The following RNF175 variants were observed in gnomAD, a reference collection of about 807,000 sequenced individuals.
The protein encoded by RNF175 is ring finger protein 175.
In RNF175, 38 loss-of-function variants were observed where a neutral mutation model predicts 50.0. That is an observed-to-expected ratio of 0.76 (90% confidence interval 0.59 to 1.00). RNF175 has a LOEUF of 1.00. RNF175 is among the 50% of genes least tolerant of loss of function. RNF175 has a pLI of 0.00. For synonymous variants in RNF175, 155 were observed against 146.1 expected (o/e 1.06, Z -0.44); for missense variants, 388 against 409.6 (o/e 0.95, Z 0.46).
chr4:153,755,408 C>T (rs1740510114), intron 1 of RNF175, among the ~76,000 whole-genome samples: 1 of 152,172 alleles, frequency 6.6e-6, no homozygotes, highest in Non-Finnish European at 1.5e-5. Flanking sequence ...AGTCAAAGAT[C>T]ACAAGACGTT....
intron 3 of RNF175, among the ~76,000 whole-genome samples, chr4:153,744,511 C>T (rs1351043045): frequency 6.6e-6 from 1 of 152,070 alleles, no homozygotes; most frequent in Admixed American, 6.5e-5. Context: ...TGTTTCCTTT[C>T]AAGGTCGGGG....
At position 153,749,089 on chromosome 4, in the gene RNF175, A is replaced by G. The variant is rs569888871; in HGVS notation, c.105-303T>C. On this transcript the variant is annotated intron_variant, in intron 2 of 8. Coordinates refer to ENST00000347063, the MANE Select transcript of RNF175 (RefSeq NM_173662.4). ...TCAGCCTTGTCTTTTAAGTTAAGTGATGGGGCTAAAAAAAGTAATGAGCCC... is the reference window on the plus strand; with the variant it reads ...TCAGCCTTGTCTTTTAAGTTAAGTGGTGGGGCTAAAAAAAGTAATGAGCCC... 3.2e-4 allele frequency among the ~76,000 whole-genome samples: 49 copies of G among 152,258 alleles called. 1 individual carries two copies. The highest frequency in any genetic ancestry group is 1.0e-3 in the South Asian group (5 of 4,828).
In RNF175 at chr4:153,710,271, TA is replaced by T. The variant is rs1737473417; in HGVS notation, c.*97del. The T allele has an allele frequency of 2.1e-6, 2 of 962,460 alleles. No homozygotes were observed. The highest frequency in any genetic ancestry group is 2.9e-6 in the Non-Finnish European group (2 of 689,282). 59.6% of individuals were successfully genotyped at this position (962,460 alleles called of 1,614,324 possible). ...TGACAACAAAGTTTACTTAGTTTTCTAAACACTTGGGATCATCTCTAAAATT... is the reference window on the plus strand; with the variant it reads ...TGACAACAAAGTTTACTTAGTTTTCTAACACTTGGGATCATCTCTAAAATT... On this transcript the variant is annotated 3_prime_UTR_variant, in exon 9 of 9. Transcript: ENST00000347063.
intron 6 of RNF175, 83 bp from the exon 7 acceptor site, chr4:153,715,745 G>T (rs1737876226): frequency 1.4e-6 from 2 of 1,434,386 alleles, no homozygotes; most frequent in South Asian, 1.3e-5. Context: ...GCCAGGCACT[G>T]GGACAGGCAG....
intron 2 of RNF175, among the ~76,000 whole-genome samples, chr4:153,750,172 C>G (rs534160976): frequency 6.6e-6 from 1 of 152,132 alleles, no homozygotes; most frequent in African/African-American, 2.4e-5. Flanking sequence ...TAGTGTGGCA[C>G]CATCAGTCAC....
At chr4:153,712,645 G>T in intron 7 of RNF175, 69 bp from the exon 8 acceptor site, 1 of 1,023,616 alleles carries the variant, frequency 9.8e-7, no homozygotes, top group Non-Finnish European at 1.5e-6. Context: ...GGCATGGAAT[G>T]GTCCCATCTT....
chr4:153,748,320 C>T (rs901220671), intron 3 of RNF175: 1 of 215,758 alleles, frequency 4.6e-6, no homozygotes, highest in African/African-American at 2.3e-5. Flanking sequence ...GTCTTGGCAC[C>T]ATTGACATTT....
intron 4 of RNF175, among the ~76,000 whole-genome samples, chr4:153,724,413 G>C (rs921468203): frequency 6.6e-6 from 1 of 152,200 alleles, no homozygotes; most frequent in African/African-American, 2.4e-5. Context: ...TGAAGAGGTG[G>C]CTAGAAAGCT....
chr4:153,749,735 A>AC (rs1030125037), intron 2 of RNF175, among the ~76,000 whole-genome samples: 3 of 151,804 alleles, frequency 2.0e-5, no homozygotes, highest in Admixed American at 6.6e-5. Context: ...AAAAATCTTA[A>AC]CCCCCCATAT....
chr4:153,740,628 T>C (rs1739604077), intron 3 of RNF175, among the ~76,000 whole-genome samples: 2 of 151,958 alleles, frequency 1.3e-5, no homozygotes, highest in African/African-American at 4.8e-5. Context: ...CTCTATGGCC[T>C]CTGGTAGCCA....
intron 3 of RNF175, among the ~76,000 whole-genome samples, chr4:153,739,146 G>A (rs1480484308): frequency 2.6e-5 from 4 of 152,228 alleles, no homozygotes; most frequent in Admixed American, 2.0e-4. Flanking sequence ...AATAGGGCCG[G>A]GTGAGGTGGC....
intron 2 of RNF175, among the ~76,000 whole-genome samples, chr4:153,750,591 C>T (rs1033882334): frequency 2.0e-5 from 3 of 152,098 alleles, no homozygotes; most frequent in South Asian, 2.1e-4. Context: ...AATAAAATTA[C>T]GTGGCTCTTA....
At chr4:153,719,281 T>G (rs1738176621) in intron 6 of RNF175, among the ~76,000 whole-genome samples, 1 of 152,156 alleles carries the variant, frequency 6.6e-6, no homozygotes, top group Non-Finnish European at 1.5e-5. Flanking sequence ...CAAAGGACAT[T>G]ATCTCATTCT....
intron 3 of RNF175, among the ~76,000 whole-genome samples, chr4:153,741,507 T>G (rs1333534006): frequency 6.6e-6 from 1 of 152,222 alleles, no homozygotes; most frequent in African/African-American, 2.4e-5. Flanking sequence ...CTACATTTGA[T>G]ATGGCATTGT....
intron 5 of RNF175, among the ~76,000 whole-genome samples, chr4:153,721,879 C>T (rs1335710462): frequency 1.3e-5 from 2 of 152,166 alleles, no homozygotes; most frequent in African/African-American, 4.8e-5. Flanking sequence ...ATATCCTAAC[C>T]TAGCAATAAT....
At chr4:153,717,239 C>G (rs4267716) in intron 6 of RNF175, among the ~76,000 whole-genome samples, 4 of 152,132 alleles carry the variant, frequency 2.6e-5, no homozygotes, top group Non-Finnish European at 5.9e-5. Context: ...TCCTGTGTCT[C>G]TTTGACATAT....
At chr4:153,759,414 C>T (rs1727531133) in intron 1 of RNF175, among the ~76,000 whole-genome samples, 1 of 152,184 alleles carries the variant, frequency 6.6e-6, no homozygotes, top group South Asian at 2.1e-4. Context: ...ACGACCTTGA[C>T]CCTGGGCTCT....
At chr4:153,723,834 G>A (rs537966275) in intron 4 of RNF175, among the ~76,000 whole-genome samples, 1 of 152,242 alleles carries the variant, frequency 6.6e-6, no homozygotes, top group Admixed American at 6.5e-5. Context: ...GGAGTGCCTT[G>A]GAGGTGAACA....
At chr4:153,725,098 C>T (rs1435756165) in intron 4 of RNF175, among the ~76,000 whole-genome samples, 12 of 54,368 alleles carry the variant, frequency 2.2e-4, no homozygotes, top group African/African-American at 3.1e-4. Flanking sequence ...GGGTGAGCTG[C>T]GTGGGGGAGT....
Sources: allele counts gnomAD v4.1 joint callset (sites outside exome capture counted in the v4.1 genomes callset), GRCh38; gene constraint gnomAD v4.1.1; transcripts MANE v1.5; gene names NCBI Gene and HGNC (gene_info 2026-07-23, HGNC 2026-07-21).